DIAPH3: variants seen among roughly 807,000 people sequenced by gnomAD.
DIAPH3 encodes diaphanous related formin 3, also known as protein diaphanous homolog 3.
A neutral mutation model predicts 144.3 loss-of-function variants in DIAPH3; 117 were observed. That is an observed-to-expected ratio of 0.81 (90% CI 0.70 to 0.95). DIAPH3 has a LOEUF of 0.95. DIAPH3 is among the 40% of genes least tolerant of loss of function. DIAPH3 has a pLI of 0.00. For synonymous variants in DIAPH3, 519 were observed against 488.9 expected, an observed-to-expected ratio of 1.06 and a Z score of -0.81; for missense variants, 1,421 against 1,412.7, an observed-to-expected ratio of 1.01 and a Z score of -0.09.
intron 2 of DIAPH3, among the ~76,000 whole-genome samples, chr13:60,129,899 G>A (rs997030709): frequency 6.6e-6 from 1 of 152,064 alleles, no homozygotes; most frequent in Admixed American, 6.5e-5. Context: ...ACCCTGGAAG[G>A]CTCAGCTGCA....
chr13:60,037,340 T>C (rs2055305042), intron 5 of DIAPH3, among the ~76,000 whole-genome samples: 1 of 151,980 alleles, frequency 6.6e-6, no homozygotes, highest in African/African-American at 2.4e-5. Flanking sequence ...CACACAGTTA[T>C]AATATGACTC....
rs188806618 is a variant in DIAPH3, at chr13:60,093,403, T to G, written c.495+225A>C. 5.4e-4 allele frequency among the ~76,000 whole-genome samples: 83 copies of G among 152,330 alleles called. 1 individual carries two copies. The highest frequency in any genetic ancestry group is 1.6e-4 in the Non-Finnish European group (11 of 68,018). On this transcript the variant is annotated intron_variant, in intron 4 of 27. Transcript: ENST00000400324. ...ACAGAGTAGACCCCCTCCCAGTGTT[T>G]CTTAGCAATGTAACTAGCTAAAAAA...
chr13:59,702,853 G>C (rs1163539671), intron 27 of DIAPH3, among the ~76,000 whole-genome samples: 1 of 152,010 alleles, frequency 6.6e-6, no homozygotes, highest in South Asian at 2.1e-4. Flanking sequence ...CTTCTGCATT[G>C]AGTCCCTATC....
intron 20 of DIAPH3, among the ~76,000 whole-genome samples, chr13:59,902,599 C>T (rs2046502259): frequency 1.3e-5 from 2 of 152,084 alleles, no homozygotes; most frequent in African/African-American, 2.4e-5. Flanking sequence ...CATGGTGAAA[C>T]CCCATCTCTA....
intron 20 of DIAPH3, among the ~76,000 whole-genome samples, chr13:59,897,476 A>G (rs375602529): frequency 3.2e-4 from 49 of 151,890 alleles, no homozygotes; most frequent in Admixed American, 2.8e-3. Context: ...CTGGCCGGGC[A>G]CGGTGGCTCA....
intron 21 of DIAPH3, among the ~76,000 whole-genome samples, chr13:59,871,880 G>T (rs2044301608): frequency 6.6e-6 from 1 of 152,160 alleles, no homozygotes; most frequent in Non-Finnish European, 1.5e-5. Context: ...AGGCTTGGTT[G>T]TGTTAATAAT....
At chr13:60,154,984 C>T (rs1951953000) in intron 1 of DIAPH3, among the ~76,000 whole-genome samples, 1 of 152,072 alleles carries the variant, frequency 6.6e-6, no homozygotes, top group African/African-American at 2.4e-5. Flanking sequence ...AATTTACATT[C>T]TATATAAAAA....
chr13:60,062,819 T>G (rs958001922), intron 4 of DIAPH3, among the ~76,000 whole-genome samples: 2 of 152,200 alleles, frequency 1.3e-5, no homozygotes, highest in Non-Finnish European at 2.9e-5. Context: ...ACAACATACA[T>G]AATTTTAAAA....
At chr13:59,762,050 A>ATTTTTTTTTTTTTTTTTTTTTTTTT in intron 27 of DIAPH3, among the ~76,000 whole-genome samples, 1 of 118,990 alleles carries the variant, frequency 8.4e-6, no homozygotes, top group Admixed American at 1.1e-4. Context: ...AAGCGTCAGC[A>ATTTTTTTTTTTTTTTTTTTTTTTTT]TCTTTTTTTT....
At chr13:59,836,801 G>A (rs561093766) in intron 23 of DIAPH3, among the ~76,000 whole-genome samples, 10 of 151,900 alleles carry the variant, frequency 6.6e-5, no homozygotes, top group African/African-American at 1.4e-4. Flanking sequence ...TATGTACCTC[G>A]ATGAATAAGC....
At chr13:59,779,410 A>G (rs1024040628) in intron 25 of DIAPH3, among the ~76,000 whole-genome samples, 10 of 152,330 alleles carry the variant, frequency 6.6e-5, no homozygotes, top group African/African-American at 2.4e-4. Context: ...AAAGAAATTC[A>G]CAGATAAAAT....
At position 59,991,228 on chromosome 13, in the gene DIAPH3, T is replaced by C. The variant is rs746390263; in HGVS notation, c.1291A>G (p.Thr431Ala). Residue 431 changes from threonine to alanine, a missense_variant, in exon 12 of 28, where the codon ACT (threonine) becomes GCT (alanine). Coordinates refer to ENST00000400324, the MANE Select transcript of DIAPH3 (RefSeq NM_001042517.2). ...YNMVWSTVKE[T>A]RAEGYFISIL... Reference sequence around the variant, plus strand: ...GAAATAAAATATCCCTCTGCTCTAGTTTCTTTAACTGTGCTCCACACCATG... The same window carrying C: ...GAAATAAAATATCCCTCTGCTCTAGCTTCTTTAACTGTGCTCCACACCATG... 248 of 1,611,492 alleles carry C rather than the reference T, an allele frequency of 1.5e-4. 1 individual carries two copies. The Middle Eastern group carries it at 5.8e-3, about 38-fold the overall frequency.
intron 27 of DIAPH3, among the ~76,000 whole-genome samples, chr13:59,679,657 T>A (rs2032839196): frequency 6.6e-6 from 1 of 152,196 alleles, no homozygotes; most frequent in Non-Finnish European, 1.5e-5. Context: ...TTCACATACA[T>A]CCTCTTAAAA....
chr13:59,961,649 A>C (rs1341563441), intron 17 of DIAPH3, among the ~76,000 whole-genome samples: 1 of 152,214 alleles, frequency 6.6e-6, no homozygotes, highest in Admixed American at 6.5e-5. Context: ...AATAAAACAT[A>C]ATAGGATTTC....
intron 1 of DIAPH3, among the ~76,000 whole-genome samples, chr13:60,139,077 T>G (rs1172267546): frequency 2.0e-5 from 3 of 152,110 alleles, no homozygotes; most frequent in Non-Finnish European, 4.4e-5. Flanking sequence ...AAAGTAATAT[T>G]CCTACCAGCC....
Position 60,067,284 on chromosome 13 carries a change from CA to C in DIAPH3, c.496-24465del, listed in dbSNP as rs879713500. On this transcript the variant is annotated intron_variant, in intron 4 of 27. Coordinates refer to ENST00000400324, the MANE Select transcript of DIAPH3 (RefSeq NM_001042517.2). ...TGAGCGACAGTGTGAGACCCTATAT[CA>C]AAAAAAAAAAAGAAAGAAAATTATT... 2.5e-3 allele frequency among the ~76,000 whole-genome samples: 353 copies of C among 139,220 alleles called. 1 individual carries two copies. The highest frequency in any genetic ancestry group is 5.8e-3 in the East Asian group (28 of 4,846). The allele number at this position is 139,220 out of a possible 152,430, so 91.3% of individuals were successfully genotyped here. A position where few individuals can be genotyped will look rare whatever the true frequency, so the allele number is the denominator to read the frequency against.
intron 25 of DIAPH3, among the ~76,000 whole-genome samples, chr13:59,780,968 G>A (rs1771782301): frequency 6.6e-6 from 1 of 152,082 alleles, no homozygotes; most frequent in African/African-American, 2.4e-5. Context: ...TCAGCACTCT[G>A]GAAAAGTATA....
chr13:59,681,736 T>C (rs528110405), intron 27 of DIAPH3, among the ~76,000 whole-genome samples: 3 of 152,218 alleles, frequency 2.0e-5, no homozygotes, highest in South Asian at 2.1e-4. Flanking sequence ...TAAGAAAGTA[T>C]GATTTTTATA....
intron 5 of DIAPH3, among the ~76,000 whole-genome samples, chr13:60,033,866 T>C (rs1378873685): frequency 2.6e-5 from 4 of 152,226 alleles, no homozygotes; most frequent in Admixed American, 2.0e-4. Context: ...ATCAATCTAA[T>C]TGACGGAGTT....
Sources: gnomAD v4.1 joint callset for allele counts (sites outside exome capture counted in the v4.1 genomes callset) on GRCh38, gnomAD v4.1.1 for gene constraint, MANE v1.5 for transcripts, NCBI Gene and HGNC (gene_info 2026-07-23, HGNC 2026-07-21) for gene names.